Variants in ZNF714 observed in about 807,000 individuals in gnomAD.
ZNF714 encodes the protein zinc finger protein 714.
Under a neutral mutation model 46.2 loss-of-function variants are expected in ZNF714, and 32 were observed. The ratio of observed to expected loss-of-function variants is 0.69; its 90% confidence interval spans 0.52 to 0.93. The LOEUF is 0.93. ZNF714 is among the 40% of genes least tolerant of loss of function. ZNF714 has a pLI of 0.00. For synonymous variants in ZNF714, 199 were observed against 213.1 expected (o/e 0.93, Z 0.58); for missense variants, 635 against 646.3 (o/e 0.98, Z 0.19).
chr19:21,098,746 G>A lies in ZNF714; in HGVS notation c.44-66G>A, dbSNP rs545670998. 8 of 1,024,610 alleles carry A rather than the reference G, an allele frequency of 7.8e-6. No individual in the cohort carries two copies. The African/African-American group carries it at 8.1e-5, about 10-fold the overall frequency. The allele number at this position is 1,024,610 out of a possible 1,614,324, so 63.5% of individuals were successfully genotyped here. On this transcript the variant is annotated intron_variant, in intron 3 of 4. Transcript: ENST00000456283. ...AATATTCTATTATATCCTTTTTACT[G>A]AGCACAGTACTAGGTTGGTAACTAG...
intron 4 of ZNF714, among the ~76,000 whole-genome samples, chr19:21,109,411 AT>A (rs1237345437): frequency 6.6e-6 from 1 of 151,852 alleles, no homozygotes; most frequent in Non-Finnish European, 1.5e-5. Flanking sequence ...TGTAGATACA[AT>A]TTTTTGCCCT....
chr19:21,121,182 C>A lies in ZNF714; in HGVS notation c.*2850C>A, dbSNP rs1969698519. ...AAGCAGCTAGGACTACAGGCGCCCA[C>A]CACCATGCCCGGCTAATTTTTTGTA... On this transcript the variant is annotated 3_prime_UTR_variant, in exon 5 of 5. Transcript: ENST00000456283. 6.6e-6 allele frequency: 1 copy of A among 152,148 alleles called. No homozygotes were observed. The highest frequency in any genetic ancestry group is 1.5e-5 in the Non-Finnish European group (1 of 68,078). 9.4% of individuals were successfully genotyped at this position (152,148 alleles called of 1,614,324 possible).
At chr19:21,087,258 A>G (rs2144821908) in intron 2 of ZNF714, among the ~76,000 whole-genome samples, 1 of 151,512 alleles carries the variant, frequency 6.6e-6, no homozygotes, top group Admixed American at 6.6e-5. Context: ...ATGATCGACA[A>G]GGAAATTTGG....
chr19:21,122,339 A>G lies in ZNF714; in HGVS notation c.*4007A>G, dbSNP rs998490386. On this transcript the variant is annotated 3_prime_UTR_variant, in exon 5 of 5. Transcript: ENST00000456283. ...CATATGGAGTGGACATTTTTTCCAG[A>G]CTATAAAACTGAATCTTGCTGAATT... 6.6e-6 allele frequency: 1 copy of G among 152,176 alleles called. No individual in the cohort carries two copies. The highest frequency in any genetic ancestry group is 1.9e-4 in the East Asian group (1 of 5,198). The allele number at this position is 152,176 out of a possible 1,614,324, so 9.4% of individuals were successfully genotyped here.
intron 2 of ZNF714, among the ~76,000 whole-genome samples, chr19:21,093,844 G>A (rs555266988): frequency 6.6e-6 from 1 of 152,180 alleles, no homozygotes; most frequent in African/African-American, 2.4e-5. Flanking sequence ...ATGTTGCCCA[G>A]GCTGGTCTTG....
chr19:21,083,575 AT>A (rs1968706883), intron 1 of ZNF714, among the ~76,000 whole-genome samples: 1 of 152,010 alleles, frequency 6.6e-6, no homozygotes, highest in Non-Finnish European at 1.5e-5. Flanking sequence ...TTCCTCCCTA[AT>A]TCACGTTATC....
chr19:21,099,912 G>A (rs570497546), intron 4 of ZNF714, among the ~76,000 whole-genome samples: 1 of 152,172 alleles, frequency 6.6e-6, no homozygotes. Flanking sequence ...CTGGAGTGCA[G>A]TGGTGCAATC....
rs191881056 is a variant in ZNF714, at chr19:21,103,040, G to A, written c.142+4130G>A. Among the ~76,000 whole-genome samples, 72 of 151,924 alleles carry A rather than the reference G, an allele frequency of 4.7e-4. 1 individual carries two copies. Among genetic ancestry groups the A allele is most frequent in the South Asian group, 3.3e-3 (16 of 4,816 alleles). On this transcript the variant is annotated intron_variant, in intron 4 of 4. Coordinates refer to ENST00000456283, the MANE Select transcript of ZNF714 (RefSeq NM_182515.4). ...CCCAATATTGGTTATGGCTTATCTT[G>A]TATACTTTCTTAGCTGATTTTCAGT...
Position 21,117,217 on chromosome 19 carries a change from T to G in ZNF714, c.553T>G (p.Phe185Val). ...AGAATGTGACAAAGTGTTTAAGCGG[T>G]TCTCAACCCTTACTAGACACAAGAG... is the stretch of plus-strand genomic sequence containing the variant. ...CEECDKVFKR[F>V]STLTRHKRVH... Residue 185 changes from phenylalanine (F) to valine (V), a missense_variant, in exon 5 of 5, where the codon TTC (phenylalanine) becomes GTC (valine). By Grantham distance (50) the Phe-to-Val change is conservative. Transcript: ENST00000456283. The G allele has an allele frequency of 6.2e-7, 1 of 1,614,060 alleles. No individual in the cohort carries two copies. Among genetic ancestry groups the G allele is most frequent in the Non-Finnish European group, 8.5e-7 (1 of 1,179,962 alleles).
rs1391906298 is a variant in ZNF714 at position 21,098,314 on chromosome 19, G to A, written c.43+3G>A. The A allele has an allele frequency of 1.2e-6, 2 of 1,610,272 alleles. No homozygotes were observed. Among genetic ancestry groups the A allele is most frequent in the Admixed American group, 3.4e-5 (2 of 58,644 alleles). Reference sequence around the variant, plus strand: ...CTACAAAAACCTGGTCTTCTTGGGTGAGAATAACTTTAATACATAAGTCTT... The same window carrying A: ...CTACAAAAACCTGGTCTTCTTGGGTAAGAATAACTTTAATACATAAGTCTT... On this transcript the variant is annotated splice_donor_region_variant and intron_variant, in intron 3 of 4. Transcript: ENST00000456283.
At chr19:21,093,594 A>AT (rs1968973038) in intron 2 of ZNF714, among the ~76,000 whole-genome samples, 1 of 151,886 alleles carries the variant, frequency 6.6e-6, no homozygotes, top group African/African-American at 2.4e-5. Flanking sequence ...TCATGTTTAC[A>AT]TACCATACTT....
chr19:21,090,088 A>G (rs1432000253), intron 2 of ZNF714, among the ~76,000 whole-genome samples: 1 of 152,254 alleles, frequency 6.6e-6, no homozygotes, highest in African/African-American at 2.4e-5. Flanking sequence ...CCAATATCAA[A>G]TGCAACTCTT....
In ZNF714 at chr19:21,117,235, C is replaced by A; in HGVS notation, c.571C>A (p.His191Asn). 1 of 1,614,044 alleles carries A rather than the reference C, an allele frequency of 6.2e-7. No individual in the cohort carries two copies. The highest frequency in any genetic ancestry group is 8.5e-7 in the Non-Finnish European group (1 of 1,179,952). The change falls in exon 5 of 5, where the codon CAC becomes AAC. Residue 191 changes from histidine to asparagine, a missense_variant. By Grantham distance (68) the His-to-Asn change is moderately conservative (BLOSUM62 1). Transcript: ENST00000456283. ...TAAGCGGTTCTCAACCCTTACTAGA[C>A]ACAAGAGAGTTCATACTGGAGAGAA... is the stretch of plus-strand genomic sequence containing the variant. ...VFKRFSTLTRHKRVHTGEKPF... is the reference protein window; with the variant it reads ...VFKRFSTLTRNKRVHTGEKPF...
chr19:21,123,385 T>C lies in ZNF714; in HGVS notation c.*5053T>C, dbSNP rs914357174. Among the ~76,000 whole-genome samples the C allele has an allele frequency of 2.6e-5, 4 of 152,138 alleles. No individual in the cohort carries two copies. Among genetic ancestry groups the C allele is most frequent in the Non-Finnish European group, 5.9e-5 (4 of 68,040 alleles). On this transcript the variant is annotated 3_prime_UTR_variant, in exon 5 of 5. Coordinates refer to ENST00000456283, the MANE Select transcript of ZNF714 (RefSeq NM_182515.4). ...TTTTTATTTTTTAGAGACAGAGTCT[T>C]GCTCTGTCTCCCAGGCTAGAGTACA...
chr19:21,106,379 C>A (rs1329035631), intron 4 of ZNF714, among the ~76,000 whole-genome samples: 1 of 151,932 alleles, frequency 6.6e-6, no homozygotes, highest in Non-Finnish European at 1.5e-5. Context: ...ACCAGCCTGA[C>A]CAACATGGTG....
chr19:21,087,710 CAG>C (rs1968815328), intron 2 of ZNF714, among the ~76,000 whole-genome samples: 1 of 152,146 alleles, frequency 6.6e-6, no homozygotes, highest in South Asian at 2.1e-4. Flanking sequence ...TGTTCACACA[CAG>C]AAACTCTTTT....
In ZNF714 at chr19:21,083,974, A is replaced by G; in HGVS notation, c.-176-4A>G. 1 of 1,285,838 alleles carries G rather than the reference A, an allele frequency of 7.8e-7. No individual in the cohort carries two copies. Among genetic ancestry groups the G allele is most frequent in the Non-Finnish European group, 1.0e-6 (1 of 988,252 alleles). 79.7% of individuals were successfully genotyped at this position (1,285,838 alleles called of 1,614,324 possible). A position where few individuals can be genotyped will look rare whatever the true frequency, so the allele number is the denominator to read the frequency against. ...ATCAGCTTCTGGTTTATTTTCTTCC[A>G]TAGGGCGACCTGAGGTCTGGAGTGT... On this transcript the variant is annotated splice_polypyrimidine_tract_variant and splice_region_variant and intron_variant, in intron 1 of 4. Coordinates refer to ENST00000456283, the MANE Select transcript of ZNF714 (RefSeq NM_182515.4).
At chr19:21,092,232 G>T (rs909871815) in intron 2 of ZNF714, among the ~76,000 whole-genome samples, 2 of 152,028 alleles carry the variant, frequency 1.3e-5, no homozygotes, top group South Asian at 2.1e-4. Context: ...GCCACCACAG[G>T]ATTCCCACCC....
rs778734579 is a variant in ZNF714, at chr19:21,093,237, T to A, written c.-84-4948T>A. On this transcript the variant is annotated intron_variant, in intron 2 of 4. Transcript: ENST00000456283. ...AACTTAATCTTGTTTTTGTTTAATT[T>A]ATTTATTTTTTGAGATGGAGTTTTC... 2.3e-3 allele frequency among the ~76,000 whole-genome samples: 343 copies of A among 151,396 alleles called. 3 individuals carry two copies. The highest frequency in any genetic ancestry group is 3.5e-3 in the Non-Finnish European group (239 of 67,880).
Sources: allele counts gnomAD v4.1 joint callset (sites outside exome capture counted in the v4.1 genomes callset), GRCh38; gene constraint gnomAD v4.1.1; transcripts MANE v1.5; gene names NCBI Gene and HGNC (gene_info 2026-07-23, HGNC 2026-07-21).